Variants in LGALSL observed in about 807,000 individuals in gnomAD.
LGALSL encodes galectin-related protein.
A neutral mutation model predicts 19.5 loss-of-function variants in LGALSL; 13 were observed. That is an observed-to-expected ratio of 0.67 (90% confidence interval 0.43 to 1.06). The LOEUF (loss-of-function observed/expected upper bound fraction) is 1.06. Ranked by LOEUF, LGALSL falls within the 50% of genes least tolerant of loss-of-function variation. The pLI is 0.00. For missense variants in LGALSL, 189 were observed against 219.3 expected (o/e 0.86, Z 0.87); for synonymous variants, 86 against 78.3 (o/e 1.10, Z -0.52).
chr2:64,454,632 C>G lies in LGALSL; in HGVS notation c.36+51C>G, dbSNP rs767575150. The G allele has an allele frequency of 1.6e-5, 20 of 1,256,708 alleles. No individual in the cohort carries two copies. Among genetic ancestry groups the G allele is most frequent in the Non-Finnish European group, 1.9e-5 (19 of 981,868 alleles). The allele number at this position is 1,256,708 out of a possible 1,614,324, so 77.8% of individuals were successfully genotyped here. A position where few individuals can be genotyped will look rare whatever the true frequency, so the allele number is the denominator to read the frequency against. On this transcript the variant is annotated intron_variant, in intron 1 of 4. Transcript: ENST00000238875. This position sits in a 1 kb window ranked among gnomAD's most constrained non-coding sequence, Gnocchi z 5.1. ...GCGCCCCTCCCCGCCGTCCCGCACT[C>G]CGCCGCCGCCTGCTCCAGCAGTGCT...
chr2:64,455,398 G>C lies in LGALSL; in HGVS notation c.91G>C (p.Val31Leu). Residue 31 changes from valine (V) to leucine (L), a missense_variant, in exon 2 of 5, where the codon GTG becomes CTG. Val to Leu is a conservative substitution (Grantham distance 32). This residue lies in a region of LGALSL where 62 missense variants were observed against 49.0 expected (regional missense o/e 1.27). Transcript: ENST00000238875. ...NSLSSPVQAD[V>L]YFPRLIVPFC... ...TTTGAGCTCTCCAGTTCAAGCGGAC[G>C]TGTACTTCCCACGACTGGTAAATGA... is the stretch of plus-strand genomic sequence containing the variant. 1 of 1,613,186 alleles carries C rather than the reference G, an allele frequency of 6.2e-7. No individual in the cohort carries two copies. Among genetic ancestry groups the C allele is most frequent in the South Asian group, 1.1e-5 (1 of 91,062 alleles).
rs747417628 is a variant in LGALSL, at chr2:64,455,728, T to A, written c.197+51T>A. ...GAACTATCAGGCTGTGGCTGAGCCC[T>A]GCCCACTTCTGTTGTGGTTTAGCAC... On this transcript the variant is annotated intron_variant, in intron 3 of 4. Transcript: ENST00000238875. 7 of 1,351,202 alleles carry A rather than the reference T, an allele frequency of 5.2e-6. No individual in the cohort carries two copies. The African/African-American group carries it at 1.0e-4, about 19-fold the overall frequency. 83.7% of individuals were successfully genotyped at this position (1,351,202 alleles called of 1,614,324 possible).
rs568155508 is a variant in LGALSL, at chr2:64,454,658, G to A, written c.36+77G>A. On this transcript the variant is annotated intron_variant, in intron 1 of 4. Coordinates refer to ENST00000238875, the MANE Select transcript of LGALSL (RefSeq NM_014181.3). The surrounding 1 kb of genome is among the most constrained non-coding windows in gnomAD (Gnocchi z 5.1). ...CGCCGCCGCCTGCTCCAGCAGTGCT[G>A]GGGTGCTGAGCAGCCGCAGGCCCGG... 17 of 1,076,038 alleles carry A rather than the reference G, an allele frequency of 1.6e-5. No individual in the cohort carries two copies. In the African/African-American group the frequency reaches 1.7e-4, roughly 10 times the overall value. The allele number at this position is 1,076,038 out of a possible 1,614,324, so 66.7% of individuals were successfully genotyped here.
chr2:64,455,322 A>G (rs372402985), intron 1 of LGALSL, 22 bp from the exon 2 acceptor site: 3 of 1,575,674 alleles, frequency 1.9e-6, no homozygotes, highest in African/African-American at 1.3e-5. Flanking sequence ...TGGAAAGCCA[A>G]TCTGTGTACT....
chr2:64,455,296 C>T (rs547772623), intron 1 of LGALSL, 48 bp from the exon 2 acceptor site: 2 of 1,288,550 alleles, frequency 1.6e-6, no homozygotes, highest in East Asian at 2.3e-5. Flanking sequence ...CCTCCAGCCC[C>T]CCAAAAAAGA....
chr2:64,460,877 C>T lies in LGALSL; in HGVS notation c.*2449C>T, dbSNP rs1300908452. The T allele has an allele frequency of 6.6e-6, 1 of 152,052 alleles. No individual in the cohort carries two copies. Among genetic ancestry groups the T allele is most frequent in the African/African-American group, 2.4e-5 (1 of 41,400 alleles). 9.4% of individuals were successfully genotyped at this position (152,052 alleles called of 1,614,324 possible). A position where few individuals can be genotyped will look rare whatever the true frequency, so the allele number is the denominator to read the frequency against. ...ACCAGAGCCCTAGTTCTGCAATAAC[C>T]AAAACCAAGGAGTATAAATAACAAT... On this transcript the variant is annotated 3_prime_UTR_variant, in exon 5 of 5. Transcript: ENST00000238875.
chr2:64,460,057 C>G lies in LGALSL; in HGVS notation c.*1629C>G, dbSNP rs1363154058. On this transcript the variant is annotated 3_prime_UTR_variant, in exon 5 of 5. Coordinates refer to ENST00000238875, the MANE Select transcript of LGALSL (RefSeq NM_014181.3). ...ACAACATGCAGAGGCACTGAAGTGACCATGTCATTTTCAAGTGTCAAGAAT... is the reference window on the plus strand; with the variant it reads ...ACAACATGCAGAGGCACTGAAGTGAGCATGTCATTTTCAAGTGTCAAGAAT... 2 of 150,410 alleles carry G rather than the reference C, an allele frequency of 1.3e-5. No homozygotes were observed. The highest frequency in any genetic ancestry group is 3.0e-5 in the Non-Finnish European group (2 of 67,792). 9.3% of individuals were successfully genotyped at this position (150,410 alleles called of 1,614,324 possible).
chr2:64,454,474 C>T lies in LGALSL; in HGVS notation c.-72C>T. On this transcript the variant is annotated 5_prime_UTR_variant, in exon 1 of 5. Transcript: ENST00000238875. This position sits in a 1 kb window ranked among gnomAD's most constrained non-coding sequence, Gnocchi z 5.1. Reference sequence around the variant, plus strand: ...CTCGGACCCGCGCCCCCGCCCCCGCCCCGCGCAGGACAGCCCCGGGATCCC... The same window carrying T: ...CTCGGACCCGCGCCCCCGCCCCCGCTCCGCGCAGGACAGCCCCGGGATCCC... 1.1e-6 allele frequency: 1 copy of T among 916,148 alleles called. No individual in the cohort carries two copies. The allele number at this position is 916,148 out of a possible 1,614,324, so 56.8% of individuals were successfully genotyped here.
rs770816214 is a variant in LGALSL at position 64,455,569 on chromosome 2, TC to T, written c.109-19del. Reference sequence around the variant, plus strand: ...CCTAACAGGCTGTAAAATTCATTTTTCTTCTCCCACCCTTTTCAGATAGTTC... The same window carrying T: ...CCTAACAGGCTGTAAAATTCATTTTTTTCTCCCACCCTTTTCAGATAGTTC... On this transcript the variant is annotated intron_variant, in intron 2 of 4. Transcript: ENST00000238875. 1.1e-5 allele frequency: 18 copies of T among 1,608,494 alleles called. No individual in the cohort carries two copies. In the African/African-American group the frequency reaches 2.3e-4, roughly 20 times the overall value.
In LGALSL at chr2:64,454,509, G is replaced by A. The variant is rs1572898372; in HGVS notation, c.-37G>A. ...ACAGCCCCGGGATCCCCGCCCGCGCGCCGCGTCCCACGTACCCCGCCGCGC... is the reference window on the plus strand; with the variant it reads ...ACAGCCCCGGGATCCCCGCCCGCGCACCGCGTCCCACGTACCCCGCCGCGC... On this transcript the variant is annotated 5_prime_UTR_variant, in exon 1 of 5. Transcript: ENST00000238875. This position sits in a 1 kb window ranked among gnomAD's most constrained non-coding sequence, Gnocchi z 5.1. 7 of 1,335,390 alleles carry A rather than the reference G, an allele frequency of 5.2e-6. No homozygotes were observed. In the African/African-American group the frequency reaches 6.2e-5, roughly 12 times the overall value. 82.7% of individuals were successfully genotyped at this position (1,335,390 alleles called of 1,614,324 possible). A position where few individuals can be genotyped will look rare whatever the true frequency, so the allele number is the denominator to read the frequency against.
rs568744627 is a variant in LGALSL, at chr2:64,459,749, C to G, written c.*1321C>G. On this transcript the variant is annotated 3_prime_UTR_variant, in exon 5 of 5. Coordinates refer to ENST00000238875, the MANE Select transcript of LGALSL (RefSeq NM_014181.3). ...AGCTGTAGGTGTTACCCTGCACTTA[C>G]GGAACTGATCAAACAGGTGACTCCA... 6.6e-6 allele frequency: 1 copy of G among 152,308 alleles called. No individual in the cohort carries two copies. The highest frequency in any genetic ancestry group is 2.1e-4 in the South Asian group (1 of 4,834). 9.4% of individuals were successfully genotyped at this position (152,308 alleles called of 1,614,324 possible). A position where few individuals can be genotyped will look rare whatever the true frequency, so the allele number is the denominator to read the frequency against.
At position 64,458,420 on chromosome 2, in the gene LGALSL, C is replaced by G. The variant is rs1326213812; in HGVS notation, c.511C>G (p.Leu171Val). ...KINGDLQITKLG is the reference protein window; with the variant it reads ...KINGDLQITKVG The stretch of plus-strand genomic sequence containing the variant: ...AAATGGAGACCTCCAGATCACCAAG[C>G]TTGGCTGATTTAAACCACCTCTATT... The change falls in exon 5 of 5, where the codon CTT becomes GTT. Residue 171 changes from leucine (L) to valine (V), a missense_variant. Physicochemically the swap from Leu to Val is conservative, Grantham distance 32 (BLOSUM62 1). Transcript: ENST00000238875. 15 of 1,612,752 alleles carry G rather than the reference C, an allele frequency of 9.3e-6. No homozygotes were observed. The highest frequency in any genetic ancestry group is 1.3e-5 in the Non-Finnish European group (15 of 1,179,456).
rs1183406673 is a variant in LGALSL at position 64,461,140 on chromosome 2, C to G, written c.*2712C>G. ...TAGAATTGAGGATTTGTTAAAATGG[C>G]AAGTCATTTCATTTGTGTTAAAAAG... On this transcript the variant is annotated 3_prime_UTR_variant, in exon 5 of 5. Transcript: ENST00000238875. The G allele has an allele frequency of 2.0e-5, 3 of 152,080 alleles. No individual in the cohort carries two copies. Among genetic ancestry groups the G allele is most frequent in the Non-Finnish European group, 4.4e-5 (3 of 68,008 alleles). The allele number at this position is 152,080 out of a possible 1,614,324, so 9.4% of individuals were successfully genotyped here.
At position 64,459,258 on chromosome 2, in the gene LGALSL, C is replaced by A. The variant is rs950671039; in HGVS notation, c.*830C>A. 1 of 152,162 alleles carries A rather than the reference C, an allele frequency of 6.6e-6. No individual in the cohort carries two copies. 9.4% of individuals were successfully genotyped at this position (152,162 alleles called of 1,614,324 possible). On this transcript the variant is annotated 3_prime_UTR_variant, in exon 5 of 5. Coordinates refer to ENST00000238875, the MANE Select transcript of LGALSL (RefSeq NM_014181.3). ...CTATTTACATTGCTTTTTCTCCTTA[C>A]TGGGAATTAGCACATTATTGGCTTC...
chr2:64,455,733 A>G, intron 3 of LGALSL, 56 bp downstream of exon 3: 1 of 1,332,642 alleles, frequency 7.5e-7, no homozygotes, highest in Non-Finnish European at 1.1e-6. Flanking sequence ...AGCCCTGCCC[A>G]CTTCTGTTGT....
At position 64,454,500 on chromosome 2, in the gene LGALSL, C is replaced by A. The variant is rs1436737200; in HGVS notation, c.-46C>A. ...CCGCGCAGGACAGCCCCGGGATCCC[C>A]GCCCGCGCGCCGCGTCCCACGTACC... On this transcript the variant is annotated 5_prime_UTR_variant, in exon 1 of 5. Coordinates refer to ENST00000238875, the MANE Select transcript of LGALSL (RefSeq NM_014181.3). The surrounding 1 kb of genome is among the most constrained non-coding windows in gnomAD (Gnocchi z 5.1). 4 of 1,306,846 alleles carry A rather than the reference C, an allele frequency of 3.1e-6. No homozygotes were observed. The highest frequency in any genetic ancestry group is 3.9e-6 in the Non-Finnish European group (4 of 1,015,902). The allele number at this position is 1,306,846 out of a possible 1,614,324, so 81.0% of individuals were successfully genotyped here. A position where few individuals can be genotyped will look rare whatever the true frequency, so the allele number is the denominator to read the frequency against.
chr2:64,456,173 A>T, intron 3 of LGALSL, 115 bp from the exon 4 acceptor site: 2 of 817,958 alleles, frequency 2.4e-6, no homozygotes, highest in Non-Finnish European at 4.0e-6. Context: ...CTTGAAGAGT[A>T]GTGGCCTCTT....
In LGALSL at chr2:64,454,220, G is replaced by A. The variant is rs1001869235; in HGVS notation, c.-326G>A. ...TTAAATGCTGCCCAGGGCCGACGCG[G>A]CACGGCCCTCGCCACTTTTCTTGGT... On this transcript the variant is annotated 5_prime_UTR_variant, in exon 1 of 5. Transcript: ENST00000238875. The surrounding 1 kb of genome is among the most constrained non-coding windows in gnomAD (Gnocchi z 5.1). The A allele has an allele frequency of 1.3e-5, 5 of 395,210 alleles. No homozygotes were observed. Among genetic ancestry groups the A allele is most frequent in the Non-Finnish European group, 2.2e-5 (5 of 223,874 alleles). The allele number at this position is 395,210 out of a possible 1,614,324, so 24.5% of individuals were successfully genotyped here. A position where few individuals can be genotyped will look rare whatever the true frequency, so the allele number is the denominator to read the frequency against.
rs1180249800 is a variant in LGALSL at position 64,461,183 on chromosome 2, G to A, written c.*2755G>A. On this transcript the variant is annotated 3_prime_UTR_variant, in exon 5 of 5. Transcript: ENST00000238875. ...TTAAAAAGAAAATACCCAAAAGGAA[G>A]GAGGGAGCCCTGTTTGCCTTGAGAT... 1.3e-5 allele frequency: 2 copies of A among 152,138 alleles called. No homozygotes were observed. The highest frequency in any genetic ancestry group is 4.8e-5 in the African/African-American group (2 of 41,426). 9.4% of individuals were successfully genotyped at this position (152,138 alleles called of 1,614,324 possible).
Sources: gnomAD v4.1 joint callset for allele counts on GRCh38, gnomAD v4.1.1 for gene constraint, gnomAD v4.1.1 regional missense constraint, Gnocchi (gnomAD v3.1) non-coding constraint, MANE v1.5 for transcripts, NCBI Gene and HGNC (gene_info 2026-07-23, HGNC 2026-07-21) for gene names.